Variants in SGCZ observed in about 807,000 individuals in gnomAD.
SGCZ encodes the protein zeta-sarcoglycan.
A neutral mutation model predicts 41.3 loss-of-function variants in SGCZ; 40 were observed. That is an observed-to-expected ratio of 0.97 (90% CI 0.75 to 1.26). The LOEUF (loss-of-function observed/expected upper bound fraction) is 1.26. Ranked by LOEUF, SGCZ falls within the 50% of genes most tolerant of loss-of-function variation. The pLI is 0.00. For missense variants in SGCZ, 552 were observed against 369.8 expected, an observed-to-expected ratio of 1.49 and a Z score of -4.04; for synonymous variants, 206 against 137.5, an observed-to-expected ratio of 1.50 and a Z score of -3.49.
At chr8:15,078,014 C>CG (rs1442933907) in intron 1 of SGCZ, among the ~76,000 whole-genome samples, 1 of 151,026 alleles carries the variant, frequency 6.6e-6, no homozygotes, top group Non-Finnish European at 1.5e-5. Flanking sequence ...ACTGGAGGCC[C>CG]CATGCACTGG....
At chr8:14,112,735 C>G (rs1802412799) in intron 5 of SGCZ, among the ~76,000 whole-genome samples, 1 of 152,032 alleles carries the variant, frequency 6.6e-6, no homozygotes, top group South Asian at 2.1e-4. Context: ...AAAACCAGAT[C>G]ATGAATAACA....
intron 3 of SGCZ, among the ~76,000 whole-genome samples, chr8:14,250,185 C>T (rs1799237592): frequency 1.3e-5 from 2 of 152,118 alleles, no homozygotes; most frequent in South Asian, 4.1e-4. Flanking sequence ...AATGGACTTC[C>T]AAAAAGCTCC....
Position 14,237,667 on chromosome 8 carries a change from C to T in SGCZ, c.349G>A (p.Val117Ile). ...EIHSRKDSPLVLQSDRNVTVN... is the reference protein window; with the variant it reads ...EIHSRKDSPLILQSDRNVTVN... ...GTGACATTCCTGTCAGACTGTAAGACCAGCGGACTATCCTGGGAAACATGT... is the reference window on the plus strand; with the variant it reads ...GTGACATTCCTGTCAGACTGTAAGATCAGCGGACTATCCTGGGAAACATGT... Residue 117 changes from valine to isoleucine, a missense_variant, in exon 4 of 8, where the codon GTC becomes ATC. Val to Ile is a conservative substitution (Grantham distance 29). Transcript: ENST00000382080. 6.2e-7 allele frequency: 1 copy of T among 1,613,564 alleles called. No homozygotes were observed.
At chr8:14,436,822 C>G (rs991091050) in intron 2 of SGCZ, among the ~76,000 whole-genome samples, 2 of 152,172 alleles carry the variant, frequency 1.3e-5, no homozygotes, top group Non-Finnish European at 2.9e-5. Context: ...TGTGATTTAG[C>G]TGAAACCTGA....
rs1366395545 is a variant in SGCZ, at chr8:15,060,665, A to C, written c.39+176920T>G. ...TGTGCACATGTACCCGAAAACTTAA[A>C]GTATTAAAAAAAAAAAAAAAAAGTC... On this transcript the variant is annotated intron_variant, in intron 1 of 7. Coordinates refer to ENST00000382080, the MANE Select transcript of SGCZ (RefSeq NM_139167.4). Among the ~76,000 whole-genome samples, 3 of 77,880 alleles carry C rather than the reference A, an allele frequency of 3.9e-5. No individual in the cohort carries two copies. In the East Asian group the frequency reaches 1.4e-3, roughly 35 times the overall value. The allele number at this position is 77,880 out of a possible 152,430, so 51.1% of individuals were successfully genotyped here. A position where few individuals can be genotyped will look rare whatever the true frequency, so the allele number is the denominator to read the frequency against.
At chr8:14,124,883 C>G (rs1802804387) in intron 5 of SGCZ, among the ~76,000 whole-genome samples, 1 of 151,944 alleles carries the variant, frequency 6.6e-6, no homozygotes, top group Non-Finnish European at 1.5e-5. Flanking sequence ...CATGTGATGA[C>G]ACAAATAAAG....
chr8:14,357,938 C>T (rs1380881423), intron 2 of SGCZ, among the ~76,000 whole-genome samples: 1 of 152,158 alleles, frequency 6.6e-6, no homozygotes, highest in African/African-American at 2.4e-5. Context: ...CCATGACAAA[C>T]TTTCTTGAGC....
chr8:14,729,146 G>C (rs1475561732), intron 1 of SGCZ, among the ~76,000 whole-genome samples: 1 of 152,098 alleles, frequency 6.6e-6, no homozygotes, highest in Non-Finnish European at 1.5e-5. Context: ...ATGTCGAGCT[G>C]CTTGAATACC....
At chr8:14,873,401 G>A (rs1444086335) in intron 1 of SGCZ, among the ~76,000 whole-genome samples, 1 of 152,004 alleles carries the variant, frequency 6.6e-6, no homozygotes, top group East Asian at 1.9e-4. Flanking sequence ...ATTGCCTCTG[G>A]ATAACTTTGG....
At chr8:14,893,141 A>T (rs893612570) in intron 1 of SGCZ, among the ~76,000 whole-genome samples, 4 of 152,256 alleles carry the variant, frequency 2.6e-5, no homozygotes, top group African/African-American at 9.6e-5. Flanking sequence ...ATCCAATCAC[A>T]TGGGTCCTGA....
At chr8:14,134,561 G>T (rs979130575) in intron 5 of SGCZ, among the ~76,000 whole-genome samples, 10 of 152,132 alleles carry the variant, frequency 6.6e-5, no homozygotes, top group South Asian at 2.1e-4. Context: ...TTGAGTTACT[G>T]TATGTTATTT....
intron 2 of SGCZ, among the ~76,000 whole-genome samples, chr8:14,425,718 T>C (rs1423490210): frequency 6.6e-6 from 1 of 152,182 alleles, no homozygotes; most frequent in Non-Finnish European, 1.5e-5. Context: ...ACTTATACAA[T>C]TTTGCTATGT....
chr8:14,729,295 A>C (rs1011562366), intron 1 of SGCZ, among the ~76,000 whole-genome samples: 1 of 152,218 alleles, frequency 6.6e-6, no homozygotes, highest in African/African-American at 2.4e-5. Context: ...CCTATGGACC[A>C]CATGAATGAA....
intron 1 of SGCZ, among the ~76,000 whole-genome samples, chr8:14,827,675 C>T (rs1360263321): frequency 6.6e-6 from 1 of 152,126 alleles, no homozygotes; most frequent in African/African-American, 2.4e-5. Flanking sequence ...CCCTGCAGAG[C>T]CTTAAATATT....
chr8:14,255,569 A>C (rs936718103), intron 3 of SGCZ, among the ~76,000 whole-genome samples: 1 of 152,172 alleles, frequency 6.6e-6, no homozygotes, highest in Non-Finnish European at 1.5e-5. Flanking sequence ...AAAAAGACAA[A>C]GTATAAATTT....
At chr8:14,251,042 A>T (rs1472572239) in intron 3 of SGCZ, among the ~76,000 whole-genome samples, 1 of 152,190 alleles carries the variant, frequency 6.6e-6, no homozygotes, top group Non-Finnish European at 1.5e-5. Context: ...AGCCTGGCCA[A>T]CATGGCGAAA....
intron 1 of SGCZ, among the ~76,000 whole-genome samples, chr8:15,209,508 C>T (rs1275995064): frequency 7.7e-6 from 1 of 130,682 alleles, no homozygotes; most frequent in Non-Finnish European, 1.6e-5. Context: ...AAAAAAGTGG[C>T]TTTCAGCTTG....
intron 3 of SGCZ, among the ~76,000 whole-genome samples, chr8:14,281,370 G>C (rs541245592): frequency 1.2e-3 from 189 of 151,926 alleles, no homozygotes; most frequent in Middle Eastern, 0.01. Flanking sequence ...GTCACTATTA[G>C]CTCCGTTCTC....
intron 3 of SGCZ, among the ~76,000 whole-genome samples, chr8:14,246,888 C>T (rs567739683): frequency 1.1e-3 from 132 of 116,810 alleles, no homozygotes; most frequent in African/African-American, 4.3e-3. Context: ...CCAGCCTGGG[C>T]GACAGAATGA....
Sources: gnomAD v4.1 joint callset for allele counts (sites outside exome capture counted in the v4.1 genomes callset) on GRCh38, gnomAD v4.1.1 for gene constraint, MANE v1.5 for transcripts, NCBI Gene and HGNC (gene_info 2026-07-23, HGNC 2026-07-21) for gene names.